ANO2: variants seen among roughly 807,000 people sequenced by gnomAD.
The protein encoded by ANO2 is anoctamin 2, also known as anoctamin-2.
In ANO2, 101 loss-of-function variants were observed where a neutral mutation model predicts 124.2. That is an observed-to-expected ratio of 0.81 (90% confidence interval 0.69 to 0.96). ANO2 has a LOEUF of 0.96. ANO2 is among the 40% of genes least tolerant of loss of function. The pLI is 0.00. For synonymous variants in ANO2, 486 were observed against 482.5 expected, an observed-to-expected ratio of 1.01 and a Z score of -0.09; for missense variants, 1,293 against 1,274.5, an observed-to-expected ratio of 1.01 and a Z score of -0.22.
intron 14 of ANO2, among the ~76,000 whole-genome samples, chr12:5,673,123 T>C (rs1230886418): frequency 6.6e-6 from 1 of 152,206 alleles, no homozygotes; most frequent in Admixed American, 6.5e-5. Context: ...CAAATACAAA[T>C]GTGTGTGCAT....
At chr12:5,701,268 G>C (rs1297314663) in intron 14 of ANO2, among the ~76,000 whole-genome samples, 1 of 151,816 alleles carries the variant, frequency 6.6e-6, no homozygotes, top group Non-Finnish European at 1.5e-5. Context: ...GACTCTTCTT[G>C]ACATTAGCTA....
chr12:5,812,547 C>T (rs1174247141), intron 7 of ANO2, among the ~76,000 whole-genome samples: 11 of 30,974 alleles, frequency 3.6e-4, no homozygotes, highest in African/African-American at 1.2e-3. Context: ...GGCAGGCAAG[C>T]GAAGAAAGAA....
At chr12:5,812,804 A>G (rs1246104097) in intron 7 of ANO2, among the ~76,000 whole-genome samples, 1 of 146,994 alleles carries the variant, frequency 6.8e-6, no homozygotes, top group Admixed American at 6.7e-5. Context: ...GAAAGAAAGG[A>G]AAAAAGGAAG....
intron 4 of ANO2, 42 bp from the exon 5 acceptor site, chr12:5,832,645 C>T (rs1954193436): frequency 1.9e-6 from 3 of 1,570,320 alleles, no homozygotes; most frequent in Non-Finnish European, 2.6e-6. Flanking sequence ...GGGGCCACTT[C>T]CAGCAGAGAG....
intron 14 of ANO2, among the ~76,000 whole-genome samples, chr12:5,719,327 T>C (rs969280449): frequency 7.2e-5 from 11 of 152,024 alleles, no homozygotes; most frequent in South Asian, 6.2e-4. Flanking sequence ...ACACTCACAG[T>C]TGGAGCTGCC....
At chr12:5,656,935 C>G (rs1443634125) in intron 14 of ANO2, among the ~76,000 whole-genome samples, 2 of 152,194 alleles carry the variant, frequency 1.3e-5, no homozygotes, top group South Asian at 2.1e-4. Flanking sequence ...TTTCCCAGGA[C>G]AGGGGACCCA....
At position 5,638,849 on chromosome 12, in the gene ANO2, AC is replaced by A. The variant is rs1179623213; in HGVS notation, c.1621-3503del. ...ACTTCTGGGACATAAACAAAATGCA[AC>A]ATAAGCCAGGCTACAGAGTCCAGAG... On this transcript the variant is annotated intron_variant, in intron 15 of 24. Transcript: ENST00000682330. Among the ~76,000 whole-genome samples the A allele has an allele frequency of 2.6e-5, 4 of 152,278 alleles. No homozygotes were observed. The East Asian group carries it at 7.8e-4, about 30-fold the overall frequency.
At chr12:5,590,853 C>A (rs1943361050) in intron 20 of ANO2, among the ~76,000 whole-genome samples, 1 of 152,178 alleles carries the variant, frequency 6.6e-6, no homozygotes, top group African/African-American at 2.4e-5. Flanking sequence ...CTGGGAAGGT[C>A]TGCTGAAAAA....
intron 9 of ANO2, among the ~76,000 whole-genome samples, chr12:5,801,712 A>T (rs1231525970): frequency 6.6e-6 from 1 of 152,256 alleles, no homozygotes; most frequent in Non-Finnish European, 1.5e-5. Context: ...CTCGCAATGG[A>T]GGAAACCCAG....
chr12:5,867,562 C>T (rs185958888), intron 3 of ANO2, among the ~76,000 whole-genome samples: 3 of 152,104 alleles, frequency 2.0e-5, no homozygotes, highest in South Asian at 2.1e-4. Flanking sequence ...TGTGCTGCCC[C>T]GCACATCTGT....
At chr12:5,578,549 C>A (rs1380855703) in intron 20 of ANO2, 31 bp from the exon 21 acceptor site, 1 of 1,596,156 alleles carries the variant, frequency 6.3e-7, no homozygotes, top group Non-Finnish European at 8.5e-7. Flanking sequence ...AGGGCTTCAG[C>A]AGGAACAAGC....
intron 10 of ANO2, among the ~76,000 whole-genome samples, chr12:5,776,174 C>T (rs1026209196): frequency 2.0e-5 from 3 of 152,206 alleles, no homozygotes; most frequent in Non-Finnish European, 4.4e-5. Flanking sequence ...TGCATGGTAC[C>T]ACTCTTTTAT....
intron 7 of ANO2, among the ~76,000 whole-genome samples, chr12:5,815,054 CTCATT>C (rs1179932350): frequency 1.3e-5 from 2 of 152,176 alleles, no homozygotes; most frequent in African/African-American, 4.8e-5. Context: ...ACAGTAACAC[CTCATT>C]TATCAGAGGC....
At chr12:5,863,339 C>T (rs1344219957) in intron 3 of ANO2, among the ~76,000 whole-genome samples, 2 of 152,276 alleles carry the variant, frequency 1.3e-5, no homozygotes, top group African/African-American at 2.4e-5. Flanking sequence ...TGTTATTCTA[C>T]TTCAGAAATC....
At chr12:5,649,800 G>A (rs1236652899) in intron 14 of ANO2, among the ~76,000 whole-genome samples, 2 of 151,844 alleles carry the variant, frequency 1.3e-5, no homozygotes, top group Non-Finnish European at 2.9e-5. Flanking sequence ...ATGTGTGTGT[G>A]TGTGTGTGTG....
In ANO2 at chr12:5,636,798, C is replaced by T. The variant is rs867373763; in HGVS notation, c.1621-1451G>A. On this transcript the variant is annotated intron_variant, in intron 15 of 24. Coordinates refer to ENST00000682330, the MANE Select transcript of ANO2 (RefSeq NM_001364791.2). The surrounding 1 kb of genome is among the most constrained non-coding windows in gnomAD (Gnocchi z 4.6). ...ACTCCAGTGGCTTGCTAATGGGTGG[C>T]AGATGTGTCCAGGTATGGATGTTTT... 1.3e-5 allele frequency among the ~76,000 whole-genome samples: 2 copies of T among 151,970 alleles called. No homozygotes were observed. The highest frequency in any genetic ancestry group is 4.8e-5 in the African/African-American group (2 of 41,364).
Position 5,563,299 on chromosome 12 carries a change from T to C in ANO2, c.2997A>G (p.Ter999TrpextTer19), listed in dbSNP as rs1196509249. The change falls in exon 25 of 25, where the codon TGA becomes TGG. Residue 999 changes from the stop codon to tryptophan (W), a stop_lost. Coordinates refer to ENST00000682330, the MANE Select transcript of ANO2 (RefSeq NM_001364791.2). Reference sequence around the variant, plus strand: ...CCTCCTCTGCTGCAGGCTGAACTGCTCACACATTGGTGTGCTGAGAGCCTG... The same window carrying C: ...CCTCCTCTGCTGCAGGCTGAACTGCCCACACATTGGTGTGCTGAGAGCCTG... ...MSSGSQHTNV[*>W] The C allele has an allele frequency of 1.3e-6, 2 of 1,596,752 alleles. No individual in the cohort carries two copies. Among genetic ancestry groups the C allele is most frequent in the South Asian group, 1.1e-5 (1 of 88,874 alleles).
At chr12:5,671,440 G>T (rs1947997180) in intron 14 of ANO2, among the ~76,000 whole-genome samples, 1 of 139,946 alleles carries the variant, frequency 7.1e-6, no homozygotes, top group Non-Finnish European at 1.5e-5. Flanking sequence ...TTGCTCTACA[G>T]TACAAAGAAA....
intron 14 of ANO2, among the ~76,000 whole-genome samples, chr12:5,691,930 A>G (rs991569216): frequency 6.6e-6 from 1 of 151,456 alleles, no homozygotes; most frequent in African/African-American, 2.4e-5. Flanking sequence ...GTAGTTCAAG[A>G]GTGGTGAATA....
Sources: allele counts gnomAD v4.1 joint callset (sites outside exome capture counted in the v4.1 genomes callset), GRCh38; gene constraint gnomAD v4.1.1; non-coding constraint Gnocchi (gnomAD v3.1); transcripts MANE v1.5; gene names NCBI Gene and HGNC (gene_info 2026-07-23, HGNC 2026-07-21).